The following ZSCAN1 variants were observed in gnomAD, a reference collection of about 807,000 sequenced individuals.
The protein encoded by ZSCAN1 is zinc finger and SCAN domain containing 1.
A neutral mutation model predicts 23.8 loss-of-function variants in ZSCAN1; 23 were observed. The observed-to-expected ratio is 0.97, with a 90% confidence interval of 0.70 to 1.37. The LOEUF is 1.37. Among genes scored for constraint, ZSCAN1 ranks in the 40% most tolerant of loss-of-function variants. The pLI is 0.00. For synonymous variants in ZSCAN1, 236 were observed against 232.3 expected, an observed-to-expected ratio of 1.02 and a Z score of -0.15; for missense variants, 575 against 554.0, an observed-to-expected ratio of 1.04 and a Z score of -0.38.
In ZSCAN1 at chr19:58,040,098, G is replaced by T. The variant is rs1209022911; in HGVS notation, c.371-352G>T. Among the ~76,000 whole-genome samples, 1 of 152,198 alleles carries T rather than the reference G, an allele frequency of 6.6e-6. No homozygotes were observed. Among genetic ancestry groups the T allele is most frequent in the Non-Finnish European group, 1.5e-5 (1 of 68,040 alleles). ...AACCCTGCTTCAGCAGTCGTCCTCT[G>T]TGCACTCTGTGCACACAGCCCCGGG... On this transcript the variant is annotated intron_variant, in intron 3 of 5. Coordinates refer to ENST00000282326, the MANE Select transcript of ZSCAN1 (RefSeq NM_182572.4). The surrounding 1 kb of genome is among the most constrained non-coding windows in gnomAD (Gnocchi z 5.8).
At chr19:58,042,791 G>A (rs2073799328) in intron 4 of ZSCAN1, among the ~76,000 whole-genome samples, 1 of 152,226 alleles carries the variant, frequency 6.6e-6, no homozygotes, top group African/African-American at 2.4e-5. Context: ...GCAACTCCAA[G>A]GACTCTCTTT....
chr19:58,043,481 G>A (rs2073803937), intron 4 of ZSCAN1, among the ~76,000 whole-genome samples: 1 of 152,220 alleles, frequency 6.6e-6, no homozygotes, highest in Admixed American at 6.5e-5. Flanking sequence ...CAGGAAGGGA[G>A]CTTGTGAGAC....
At chr19:58,044,840 G>C (rs1225693255) in intron 4 of ZSCAN1, 11 of 760,432 alleles carry the variant, frequency 1.4e-5, no homozygotes, top group East Asian at 2.7e-5. Flanking sequence ...ACCGTGTCGA[G>C]AGCGCCATGG....
In ZSCAN1 at chr19:58,053,063, G is replaced by A. The variant is rs761424840; in HGVS notation, c.605-366G>A. 6.6e-6 allele frequency among the ~76,000 whole-genome samples: 1 copy of A among 151,566 alleles called. No individual in the cohort carries two copies. The highest frequency in any genetic ancestry group is 1.5e-5 in the Non-Finnish European group (1 of 67,958). ...CAACCTCCGCCTCCTGGGTTCAAGCGATTCTCCTGCCTCACCCTCCTGAGT... is the reference window on the plus strand; with the variant it reads ...CAACCTCCGCCTCCTGGGTTCAAGCAATTCTCCTGCCTCACCCTCCTGAGT... On this transcript the variant is annotated intron_variant, in intron 5 of 5. Coordinates refer to ENST00000282326, the MANE Select transcript of ZSCAN1 (RefSeq NM_182572.4). This position sits in a 1 kb window ranked among gnomAD's most constrained non-coding sequence, Gnocchi z 5.8.
intron 4 of ZSCAN1, among the ~76,000 whole-genome samples, chr19:58,043,857 G>C (rs1051518423): frequency 1.3e-5 from 2 of 151,244 alleles, no homozygotes; most frequent in African/African-American, 2.4e-5. Flanking sequence ...TGTGTAGATG[G>C]GGTTTCACTA....
intron 5 of ZSCAN1, 37 bp downstream of exon 5, chr19:58,052,665 T>C (rs1244827479): frequency 1.6e-5 from 24 of 1,543,662 alleles, no homozygotes; most frequent in Non-Finnish European, 1.9e-5. Context: ...GGGTTGGAAA[T>C]GGAGTTTGGG....
At chr19:58,051,331 C>A (rs1330904084) in intron 4 of ZSCAN1, among the ~76,000 whole-genome samples, 2 of 152,138 alleles carry the variant, frequency 1.3e-5, no homozygotes, top group East Asian at 3.8e-4. Flanking sequence ...TTTCAGAATT[C>A]AACATGTTTT....
At chr19:58,044,794 C>T (rs1016514493) in intron 4 of ZSCAN1, 8 of 727,308 alleles carry the variant, frequency 1.1e-5, no homozygotes, top group Non-Finnish European at 1.8e-5. Context: ...AGGCGATCAC[C>T]TCAGCTGTTG....
chr19:58,053,898 G>T lies in ZSCAN1; in HGVS notation c.1074G>T (p.Arg358=), dbSNP rs756920778. 6.2e-7 allele frequency: 1 copy of T among 1,613,150 alleles called. No individual in the cohort carries two copies. The highest frequency in any genetic ancestry group is 8.5e-7 in the Non-Finnish European group (1 of 1,179,414). Residue 358 remains arginine, a synonymous_variant, in exon 6 of 6, where the codon CGG becomes CGT. Transcript: ENST00000282326. This position sits in a 1 kb window ranked among gnomAD's most constrained non-coding sequence, Gnocchi z 5.8. Reference sequence around the variant, plus strand: ...AAGCCCCCCGGAGCAAGGGCCCCCGGGAGTCCGTCCCACCCAGGGATGGAG... The same window carrying T: ...AAGCCCCCCGGAGCAAGGGCCCCCGTGAGTCCGTCCCACCCAGGGATGGAG... The part of the protein sequence containing the change: ...RKKAPRSKGP[R]ESVPPRDGAQ...
Position 58,053,525 on chromosome 19 carries a change from T to C in ZSCAN1, c.701T>C (p.Val234Ala), listed in dbSNP as rs763782815. 6.2e-7 allele frequency: 1 copy of C among 1,614,128 alleles called. No homozygotes were observed. Among genetic ancestry groups the C allele is most frequent in the Non-Finnish European group, 8.5e-7 (1 of 1,180,030 alleles). Residue 234 changes from valine to alanine, a missense_variant, in exon 6 of 6, where the codon GTG becomes GCG. Val to Ala is a moderately conservative substitution (Grantham distance 64, BLOSUM62 0). Transcript: ENST00000282326. This position sits in a 1 kb window ranked among gnomAD's most constrained non-coding sequence, Gnocchi z 5.8. ...TCAGACCTGCGGGCAGAAGGGACTG[T>C]GATCTCGAGCCCCAAGGGTCCAAGT... ...PSSDLRAEGT[V>A]ISSPKGPSAQ... is the part of the protein sequence containing the mutation.
At chr19:58,037,140 T>G (rs999656383) in intron 2 of ZSCAN1, among the ~76,000 whole-genome samples, 1 of 152,174 alleles carries the variant, frequency 6.6e-6, no homozygotes, top group Non-Finnish European at 1.5e-5. Context: ...CTGCTGCTGG[T>G]GGTGGTGTCA....
intron 1 of ZSCAN1, among the ~76,000 whole-genome samples, chr19:58,034,835 C>A (rs2069336108): frequency 6.7e-6 from 1 of 149,002 alleles, no homozygotes; most frequent in African/African-American, 2.5e-5. Context: ...TTGCACACTT[C>A]CCCAGCTCGT....
At position 58,046,029 on chromosome 19, in the gene ZSCAN1, G is replaced by A. The variant is rs529014272; in HGVS notation, c.465+5485G>A. On this transcript the variant is annotated intron_variant, in intron 4 of 5. Transcript: ENST00000282326. Reference sequence around the variant, plus strand: ...GCGAGAAGGAGCTGCAGAAGCATTCGGAGGTGGCGAAGGATGTTGAACCCG... The same window carrying A: ...GCGAGAAGGAGCTGCAGAAGCATTCAGAGGTGGCGAAGGATGTTGAACCCG... 606 of 696,178 alleles carry A rather than the reference G, an allele frequency of 8.7e-4. 2 individuals are homozygous for A. The highest frequency in any genetic ancestry group is 6.6e-3 in the Middle Eastern group (22 of 3,314). 43.1% of individuals were successfully genotyped at this position (696,178 alleles called of 1,614,324 possible).
At chr19:58,051,780 C>T (rs1471695235) in intron 4 of ZSCAN1, among the ~76,000 whole-genome samples, 2 of 152,320 alleles carry the variant, frequency 1.3e-5, no homozygotes, top group South Asian at 2.1e-4. Flanking sequence ...GCTCTGGGCA[C>T]GTAGCACCCA....
rs112125685 is a variant in ZSCAN1, at chr19:58,042,136, T to A, written c.465+1592T>A. 8.1e-4 allele frequency among the ~76,000 whole-genome samples: 123 copies of A among 151,954 alleles called. 1 individual carries two copies. Among genetic ancestry groups the A allele is most frequent in the African/African-American group, 2.9e-3 (122 of 41,538 alleles). ...GAACATAAAGTACATTGATTTTTTT[T>A]ATTATGGCTAGCAGATATATAAGAA... On this transcript the variant is annotated intron_variant, in intron 4 of 5. Transcript: ENST00000282326.
chr19:58,042,159 G>A (rs192194858), intron 4 of ZSCAN1, among the ~76,000 whole-genome samples: 5 of 152,118 alleles, frequency 3.3e-5, no homozygotes, highest in East Asian at 1.9e-4. Flanking sequence ...AGATATATAA[G>A]AATGTTAGCA....
chr19:58,040,397 T>C lies in ZSCAN1; in HGVS notation c.371-53T>C, dbSNP rs1207699435. On this transcript the variant is annotated intron_variant, in intron 3 of 5. Transcript: ENST00000282326. The surrounding 1 kb of genome is among the most constrained non-coding windows in gnomAD (Gnocchi z 5.8). ...TGCCCTCCCCAGAAGGCCTGGAGAA[T>C]TGGGGGCTCTGGGAAGAACAGGCCC... The C allele has an allele frequency of 2.5e-6, 4 of 1,591,486 alleles. No individual in the cohort carries two copies. Among genetic ancestry groups the C allele is most frequent in the Non-Finnish European group, 3.4e-6 (4 of 1,161,128 alleles).
rs375992446 is a variant in ZSCAN1, at chr19:58,040,443, C to T, written c.371-7C>T. 8.7e-6 allele frequency: 14 copies of T among 1,613,380 alleles called. No individual in the cohort carries two copies. Among genetic ancestry groups the T allele is most frequent in the Admixed American group, 5.0e-5 (3 of 60,008 alleles). On this transcript the variant is annotated splice_region_variant and splice_polypyrimidine_tract_variant and intron_variant, in intron 3 of 5. Coordinates refer to ENST00000282326, the MANE Select transcript of ZSCAN1 (RefSeq NM_182572.4). The surrounding 1 kb of genome is among the most constrained non-coding windows in gnomAD (Gnocchi z 5.8). ...GGCCCCTCTCACGATCCCTTTCTCC[C>T]GCACAGTTCTGGTATCTCTGGACTC... is the stretch of plus-strand genomic sequence containing the variant.
Position 58,047,332 on chromosome 19 carries a change from G to T in ZSCAN1, c.466-5158G>T, listed in dbSNP as rs1194557411. On this transcript the variant is annotated intron_variant, in intron 4 of 5. Transcript: ENST00000282326. The surrounding 1 kb of genome is among the most constrained non-coding windows in gnomAD (Gnocchi z 4.9). Reference sequence around the variant, plus strand: ...GTATCTGCCATCTCTGTGGCCTCTGGAGAGTGACGTCTCCCTGCTGGCAGG... The same window carrying T: ...GTATCTGCCATCTCTGTGGCCTCTGTAGAGTGACGTCTCCCTGCTGGCAGG... Among the ~76,000 whole-genome samples, 2 of 152,222 alleles carry T rather than the reference G, an allele frequency of 1.3e-5. No homozygotes were observed. The highest frequency in any genetic ancestry group is 1.5e-5 in the Non-Finnish European group (1 of 68,038).
Sources: allele counts gnomAD v4.1 joint callset (sites outside exome capture counted in the v4.1 genomes callset), GRCh38; gene constraint gnomAD v4.1.1; non-coding constraint Gnocchi (gnomAD v3.1); transcripts MANE v1.5; gene names NCBI Gene and HGNC (gene_info 2026-07-23, HGNC 2026-07-21).